Variants in KAT6A observed in about 807,000 individuals in gnomAD.
KAT6A encodes histone acetyltransferase KAT6A.
KAT6A carries 9 observed loss-of-function variants against 198.4 expected under a neutral mutation model. The ratio of observed to expected loss-of-function variants is 0.05; its 90% CI spans 0.03 to 0.08. The LOEUF is 0.08. Among genes scored for constraint, KAT6A ranks in the 10% least tolerant of loss-of-function variants. The probability of loss-of-function intolerance (pLI) is 1.00; values close to 1 mark genes in which losing one functional copy is unlikely to be tolerated. For synonymous variants in KAT6A, 890 were observed against 883.0 expected (o/e 1.01, Z -0.14); for missense variants, 2,077 against 2,509.9 (o/e 0.83, Z 3.69).
chr8:41,953,309 A>C (rs1832084510), intron 9 of KAT6A, among the ~76,000 whole-genome samples: 1 of 152,114 alleles, frequency 6.6e-6, no homozygotes, highest in South Asian at 2.1e-4. Flanking sequence ...TGTGGTTTCC[A>C]TCTATCTGTA....
chr8:41,992,207 A>G (rs1391649180), intron 2 of KAT6A, among the ~76,000 whole-genome samples: 1 of 152,048 alleles, frequency 6.6e-6, no homozygotes, highest in Non-Finnish European at 1.5e-5. Context: ...TTAAAAAAAA[A>G]AGAAAAAAAA....
intron 2 of KAT6A, among the ~76,000 whole-genome samples, chr8:42,042,177 G>A (rs1476488959): frequency 6.6e-6 from 1 of 152,138 alleles, no homozygotes; most frequent in Admixed American, 6.5e-5. Context: ...ACATATCCCT[G>A]GCCGGGCACG....
intron 2 of KAT6A, among the ~76,000 whole-genome samples, chr8:42,029,590 G>T (rs1409808023): frequency 6.7e-6 from 1 of 149,192 alleles, no homozygotes; most frequent in Non-Finnish European, 1.5e-5. Flanking sequence ...TTTGAAACAG[G>T]TTCTCACTCT....
chr8:42,037,242 G>T (rs1253568696), intron 2 of KAT6A, among the ~76,000 whole-genome samples: 1 of 152,132 alleles, frequency 6.6e-6, no homozygotes, highest in East Asian at 1.9e-4. Flanking sequence ...TAAGGCTTTG[G>T]ATTTATGTTA....
At chr8:41,975,952 T>C (rs182407982) in intron 7 of KAT6A, among the ~76,000 whole-genome samples, 49 of 152,348 alleles carry the variant, frequency 3.2e-4, no homozygotes, top group Admixed American at 9.8e-4. Flanking sequence ...CATATTTTCT[T>C]AGATAAACAT....
Position 41,934,261 on chromosome 8 carries a change from T to C in KAT6A, c.3959A>G (p.Asp1320Gly). Residue 1320 changes from aspartate (D) to glycine (G), a missense_variant, in exon 17 of 17, where the codon GAT becomes GGT. By Grantham distance (94) the Asp-to-Gly change is moderately conservative. Transcript: ENST00000265713. Reference protein sequence around the residue: ...QNDDHDADDEDDGHLESTKKK... With the variant: ...QNDDHDADDEGDGHLESTKKK... The stretch of plus-strand genomic sequence containing the variant: ...CTTTGTGGACTCCAGGTGGCCATCA[T>C]CCTCATCATCAGCGTCGTGGTCGTC... The C allele has an allele frequency of 6.2e-7, 1 of 1,614,158 alleles. No individual in the cohort carries two copies. The highest frequency in any genetic ancestry group is 8.5e-7 in the Non-Finnish European group (1 of 1,180,034).
At chr8:42,040,735 C>CAAAAAAAAAAAAAAAAAAA (rs59959496) in intron 2 of KAT6A, among the ~76,000 whole-genome samples, 3 of 54,664 alleles carry the variant, frequency 5.5e-5, no homozygotes, top group Non-Finnish European at 1.0e-4. Flanking sequence ...GACTCTGTCT[C>CAAAAAAAAAAAAAAAAAAA]AAAAAAAAAA....
intron 8 of KAT6A, among the ~76,000 whole-genome samples, chr8:41,970,622 T>C (rs530807205): frequency 6.6e-6 from 1 of 152,018 alleles, no homozygotes; most frequent in Admixed American, 6.5e-5. Flanking sequence ...ACACTGTTGG[T>C]GGGACTGCAA....
intron 8 of KAT6A, chr8:41,957,545 G>A: frequency 3.9e-6 from 1 of 258,956 alleles, no homozygotes; most frequent in South Asian, 3.9e-5. Context: ...ATATAATCAA[G>A]GGCACAAAAT....
At chr8:41,973,021 T>G (rs1823875525) in intron 8 of KAT6A, among the ~76,000 whole-genome samples, 1 of 152,232 alleles carries the variant, frequency 6.6e-6, no homozygotes, top group African/African-American at 2.4e-5. Context: ...AGATCAAGAC[T>G]TGAACCCAGA....
At chr8:41,940,080 C>G (rs1001914528) in intron 15 of KAT6A, among the ~76,000 whole-genome samples, 11 of 152,158 alleles carry the variant, frequency 7.2e-5, no homozygotes, top group African/African-American at 2.7e-4. Flanking sequence ...AGGAAAGGAA[C>G]GATTGTGCTG....
intron 2 of KAT6A, among the ~76,000 whole-genome samples, chr8:41,997,488 T>A (rs931547416): frequency 6.6e-6 from 1 of 152,252 alleles, no homozygotes; most frequent in African/African-American, 2.4e-5. Flanking sequence ...ATTTTCACTG[T>A]ACCTACATGG....
chr8:42,034,417 T>C (rs192870822), intron 2 of KAT6A, among the ~76,000 whole-genome samples: 1 of 152,294 alleles, frequency 6.6e-6, no homozygotes, highest in African/African-American at 2.4e-5. Context: ...GAGGGCATTA[T>C]GAAGAAGTGG....
intron 3 of KAT6A, among the ~76,000 whole-genome samples, chr8:41,983,226 G>C (rs1030188867): frequency 2.6e-5 from 4 of 152,178 alleles, no homozygotes; most frequent in Non-Finnish European, 5.9e-5. Flanking sequence ...TTTCTTTGGT[G>C]AGAGAAAGGG....
Position 41,961,751 on chromosome 8 carries a change from C to CAA in KAT6A, c.1483-6342_1483-6341dup, listed in dbSNP as rs913470847. Among the ~76,000 whole-genome samples, 108 of 46,236 alleles carry CAA rather than the reference C, an allele frequency of 2.3e-3. 1 individual carries two copies. The highest frequency in any genetic ancestry group is 5.3e-3 in the African/African-American group (62 of 11,686). 30.3% of individuals were successfully genotyped at this position (46,236 alleles called of 152,430 possible). A position where few individuals can be genotyped will look rare whatever the true frequency, so the allele number is the denominator to read the frequency against. On this transcript the variant is annotated intron_variant, in intron 8 of 16. Coordinates refer to ENST00000265713, the MANE Select transcript of KAT6A (RefSeq NM_006766.5). ...CTGGTGACAGAGCGAGACTCCATCT[C>CAA]AAAAAAAAAAAAAAAAAAAAAAGTA...
At chr8:41,974,873 G>A (rs1276746015) in intron 7 of KAT6A, 51 bp from the exon 8 acceptor site, 1 of 1,139,972 alleles carries the variant, frequency 8.8e-7, no homozygotes, top group Non-Finnish European at 1.3e-6. Context: ...ATTAATACAT[G>A]AACTAGAAAA....
intron 13 of KAT6A, 115 bp from the exon 14 acceptor site, chr8:41,943,115 C>T (rs1822220355): frequency 1.5e-6 from 2 of 1,341,706 alleles, no homozygotes; most frequent in African/African-American, 1.5e-5. Context: ...GCAAAGATAG[C>T]CTGCCTGGGA....
chr8:42,022,963 T>C (rs929884625), intron 2 of KAT6A, among the ~76,000 whole-genome samples: 2 of 152,346 alleles, frequency 1.3e-5, no homozygotes, highest in African/African-American at 4.8e-5. Flanking sequence ...AATTTCATCA[T>C]TGTGCAACAT....
chr8:42,023,958 C>T (rs1826674521), intron 2 of KAT6A, among the ~76,000 whole-genome samples: 1 of 152,078 alleles, frequency 6.6e-6, no homozygotes, highest in Non-Finnish European at 1.5e-5. Context: ...TCTTTCCCCA[C>T]TGGAAAGTGG....
Sources: gnomAD v4.1 joint callset for allele counts (sites outside exome capture counted in the v4.1 genomes callset) on GRCh38, gnomAD v4.1.1 for gene constraint, MANE v1.5 for transcripts, NCBI Gene and HGNC (gene_info 2026-07-23, HGNC 2026-07-21) for gene names.